PDXDC1: variants seen among roughly 807,000 people sequenced by gnomAD.
The protein encoded by PDXDC1 is pyridoxal-dependent decarboxylase domain-containing protein 1.
A neutral mutation model predicts 100.1 loss-of-function variants in PDXDC1; 42 were observed. The observed-to-expected ratio is 0.42, with a 90% CI of 0.33 to 0.54. The LOEUF is 0.54. PDXDC1 is among the 20% of genes least tolerant of loss of function. PDXDC1 has a pLI of 0.10. For missense variants in PDXDC1, 636 were observed against 979.2 expected (o/e 0.65, Z 4.68); for synonymous variants, 260 against 371.7 (o/e 0.70, Z 3.46).
intron 16 of PDXDC1, chr16:15,128,303 G>T (rs553162433): frequency 6.2e-7 from 1 of 1,609,846 alleles, no homozygotes; most frequent in East Asian, 2.2e-5. Context: ...AGGCTGTTGC[G>T]GTGGAAGGCT....
At chr16:15,128,807 ATTTT>A (rs965267518) in intron 16 of PDXDC1, among the ~76,000 whole-genome samples, 2 of 140,886 alleles carry the variant, frequency 1.4e-5, no homozygotes, top group Non-Finnish European at 3.1e-5. Flanking sequence ...AGGTGACAGT[ATTTT>A]TTTTTTTTTT....
intron 16 of PDXDC1, chr16:15,048,092 G>C: frequency 6.3e-7 from 1 of 1,582,096 alleles, no homozygotes; most frequent in Non-Finnish European, 8.6e-7. Flanking sequence ...GAGAAGTCTG[G>C]CTCTTTCCTG....
At chr16:14,975,803 C>CGGGAA (rs1421428609) in intron 1 of PDXDC1, among the ~76,000 whole-genome samples, 3 of 152,272 alleles carry the variant, frequency 2.0e-5, no homozygotes, top group African/African-American at 7.2e-5. Context: ...CCGCCACCGC[C>CGGGAA]CCGCTCCCAC....
chr16:15,093,678 G>A (rs2046232472), intron 16 of PDXDC1, among the ~76,000 whole-genome samples: 1 of 152,164 alleles, frequency 6.6e-6, no homozygotes, highest in South Asian at 2.1e-4. Flanking sequence ...GAGTGCTACG[G>A]GGGTTAGGGA....
At chr16:15,056,032 G>C (rs1267006547) in intron 16 of PDXDC1, 8 of 823,534 alleles carry the variant, frequency 9.7e-6, no homozygotes, top group African/African-American at 5.5e-5. Flanking sequence ...TGCAGCCCCG[G>C]GCCGCCCGCC....
intron 16 of PDXDC1, chr16:15,133,811 C>A: frequency 1.9e-6 from 3 of 1,586,872 alleles, no homozygotes; most frequent in Non-Finnish European, 2.6e-6. Flanking sequence ...ATTCGAAGTG[C>A]ACCTTGGTGG....
chr16:15,131,189 C>T lies in PDXDC1; in HGVS notation c.1400-7690C>T, dbSNP rs764677134. On this transcript the variant is annotated intron_variant, in intron 16 of 16. Transcript: ENST00000535621. ...ACGGAGGCCTGGGGCTGGACCACAA[C>T]GGAGTTGGCAGAGCTGCGGTGGCCC... 1.1e-4 allele frequency: 176 copies of T among 1,588,744 alleles called. 3 individuals carry two copies. Among genetic ancestry groups the T allele is most frequent in the Non-Finnish European group, 1.3e-4 (153 of 1,168,642 alleles).
chr16:15,119,986 TC>T (rs2047388005), intron 16 of PDXDC1, among the ~76,000 whole-genome samples: 1 of 95,310 alleles, frequency 1.0e-5, no homozygotes, highest in Non-Finnish European at 2.0e-5. Context: ...CGCCTCAGCC[TC>T]CCAAAGTGCT....
chr16:15,052,179 T>TA (rs2044319210), intron 16 of PDXDC1, among the ~76,000 whole-genome samples: 1 of 152,242 alleles, frequency 6.6e-6, no homozygotes, highest in African/African-American at 2.4e-5. Flanking sequence ...TCAACTCTGC[T>TA]GTTATTATGA....
chr16:15,040,257 G>A (rs950746491), downstream of PDXDC1: 11 of 435,168 alleles, frequency 2.5e-5, no homozygotes, highest in African/African-American at 8.2e-5. Context: ...GGTGAAAATC[G>A]CTGAGGCTCG....
chr16:15,148,370 A>ATTTTTTTTTTTTTT, the PDXDC1 span, among the ~76,000 whole-genome samples: 15 of 34,118 alleles, frequency 4.4e-4, 5 homozygotes, highest in African/African-American at 1.3e-3. Context: ...AGATCCTGTG[A>ATTTTTTTTTTTTTT]TTTTTTTTTT....
chr16:15,094,405 C>G, intron 16 of PDXDC1: 1 of 639,892 alleles, frequency 1.6e-6, no homozygotes, highest in Non-Finnish European at 2.7e-6. Context: ...ACCCGCTCCT[C>G]GTTCTACTTG....
Position 15,081,060 on chromosome 16 carries a change from A to G in PDXDC1, c.1399+51004A>G, listed in dbSNP as rs1195201168. ...GGTCCAATCATGTTGTAACATATAA[A>G]GCATTCCTTTTCATTGCTGAGTAAT... On this transcript the variant is annotated intron_variant, in intron 16 of 16. Coordinates refer to the PDXDC1 transcript ENST00000535621. Among the ~76,000 whole-genome samples, 4 of 152,328 alleles carry G rather than the reference A, an allele frequency of 2.6e-5. No homozygotes were observed. In the East Asian group the frequency reaches 7.7e-4, roughly 29 times the overall value.
downstream of PDXDC1, chr16:15,041,542 G>A (rs1040016171): frequency 3.3e-6 from 3 of 922,710 alleles, no homozygotes; most frequent in African/African-American, 4.9e-5. Context: ...GTGTGTGCCG[G>A]TGCTTGGGCC....
the PDXDC1 span, among the ~76,000 whole-genome samples, chr16:15,144,539 G>A: frequency 6.6e-6 from 1 of 152,144 alleles, no homozygotes; most frequent in African/African-American, 2.4e-5. Flanking sequence ...CAGGCCCCAG[G>A]CAACAGAGCC....
At chr16:14,975,854 A>G (rs1480902155) in intron 1 of PDXDC1, among the ~76,000 whole-genome samples, 1 of 152,286 alleles carries the variant, frequency 6.6e-6, no homozygotes, top group African/African-American at 2.4e-5. Context: ...GCCTGCGATC[A>G]CCGGGCGAGA....
At position 15,111,560 on chromosome 16, in the gene PDXDC1, C is replaced by T. The variant is rs901584338; in HGVS notation, c.1400-27319C>T. ...GAATCACAAGGTCAAGAGATGGAGACCATCCTGGGCAACATGGTGAAACCC... is the reference window on the plus strand; with the variant it reads ...GAATCACAAGGTCAAGAGATGGAGATCATCCTGGGCAACATGGTGAAACCC... On this transcript the variant is annotated intron_variant, in intron 16 of 16. Transcript: ENST00000535621. 4.1e-5 allele frequency among the ~76,000 whole-genome samples: 6 copies of T among 147,628 alleles called. 1 individual carries two copies. The highest frequency in any genetic ancestry group is 6.0e-5 in the Non-Finnish European group (4 of 66,242).
In PDXDC1 at chr16:15,080,457, C is replaced by A. The variant is rs148435893; in HGVS notation, c.1399+50401C>A. ...AGAACATTTATTTTTCTTTTAGAGA[C>A]AGGGTCTTGCTCTCTCTCTCAGGAT... is the stretch of plus-strand genomic sequence containing the variant. On this transcript the variant is annotated intron_variant, in intron 16 of 16. Coordinates refer to the PDXDC1 transcript ENST00000535621. Among the ~76,000 whole-genome samples the A allele has an allele frequency of 1.2e-3, 180 of 152,250 alleles. 1 individual carries two copies. The highest frequency in any genetic ancestry group is 4.3e-3 in the African/African-American group (178 of 41,556).
At chr16:15,077,776 G>C (rs1213397904) in intron 16 of PDXDC1, among the ~76,000 whole-genome samples, 1 of 152,232 alleles carries the variant, frequency 6.6e-6, no homozygotes, top group Non-Finnish European at 1.5e-5. Flanking sequence ...CGGAGGTGGA[G>C]GTTGCAGTGA....
Sources: allele counts gnomAD v4.1 joint callset (sites outside exome capture counted in the v4.1 genomes callset), GRCh38; gene constraint gnomAD v4.1.1; transcripts MANE v1.5; gene names NCBI Gene and HGNC (gene_info 2026-07-23, HGNC 2026-07-21).